The following LRR1 variants were observed in gnomAD, a reference collection of about 807,000 sequenced individuals.
LRR1 encodes leucine rich repeat protein 1.
In LRR1, 29 loss-of-function variants were observed where a neutral mutation model predicts 31.6. The ratio of observed to expected loss-of-function variants is 0.92; its 90% CI spans 0.68 to 1.25. The LOEUF (loss-of-function observed/expected upper bound fraction) is 1.25. Ranked by LOEUF, LRR1 falls within the 50% of genes most tolerant of loss-of-function variation. The pLI is 0.00. For synonymous variants in LRR1, 179 were observed against 181.4 expected, an observed-to-expected ratio of 0.99 and a Z score of 0.10; for missense variants, 485 against 487.2, an observed-to-expected ratio of 1.00 and a Z score of 0.04.
chr14:49,602,402 A>C lies in LRR1; in HGVS notation c.216A>C (p.Lys72Asn). The change falls in exon 2 of 4, where the codon AAA (lysine) becomes AAC (asparagine). Residue 72 changes from lysine (K) to asparagine (N), a missense_variant. Coordinates refer to ENST00000298288, the MANE Select transcript of LRR1 (RefSeq NM_152329.4). The part of the protein sequence containing the change: ...LRENIEQFFT[K>N]FVDEGKATVR... ...AGAACATTGAGCAATTCTTCACCAA[A>C]TTTGTAGATGAGGGGAAAGCCACTG... is the stretch of plus-strand genomic sequence containing the variant. The C allele has an allele frequency of 6.2e-7, 1 of 1,613,882 alleles. No homozygotes were observed. Among genetic ancestry groups the C allele is most frequent in the East Asian group, 2.2e-5 (1 of 44,856 alleles).
At chr14:49,603,072 T>G (rs533902441) in intron 2 of LRR1, among the ~76,000 whole-genome samples, 1 of 151,860 alleles carries the variant, frequency 6.6e-6, no homozygotes, top group Non-Finnish European at 1.5e-5. Flanking sequence ...CTTGAACTCC[T>G]GAACTCAGGC....
intron 2 of LRR1, among the ~76,000 whole-genome samples, chr14:49,606,192 A>C (rs1288451523): frequency 2.0e-5 from 3 of 150,924 alleles, no homozygotes; most frequent in African/African-American, 7.3e-5. Flanking sequence ...ATGCCCCACT[A>C]ATTTTTATAT....
At chr14:49,612,436 T>C in intron 3 of LRR1, 1 of 1,187,406 alleles carries the variant, frequency 8.4e-7, no homozygotes, top group South Asian at 1.6e-5. Flanking sequence ...AGATAGAAAA[T>C]ACAGTTTTTA....
At chr14:49,601,033 T>C (rs1447474307) in intron 1 of LRR1, 18 of 1,611,046 alleles carry the variant, frequency 1.1e-5, no homozygotes, top group Non-Finnish European at 1.5e-5. Context: ...TGTAAGTTGC[T>C]TTCTATTCCA....
rs570982444 is a variant in LRR1 at position 49,608,971 on chromosome 14, C to T, written c.1004+850C>T. Among the ~76,000 whole-genome samples, 16 of 123,630 alleles carry T rather than the reference C, an allele frequency of 1.3e-4. No individual in the cohort carries two copies. In the East Asian group the frequency reaches 3.6e-3, roughly 28 times the overall value. 81.1% of individuals were successfully genotyped at this position (123,630 alleles called of 152,430 possible). On this transcript the variant is annotated intron_variant, in intron 3 of 3. Coordinates refer to ENST00000298288, the MANE Select transcript of LRR1 (RefSeq NM_152329.4). ...TCGCCCAGGCTGGAGTGCAGTGGTG[C>T]GAAGCGATCTCGGCTCACTGCAAGC...
In LRR1 at chr14:49,614,662, T is replaced by C; in HGVS notation, c.*166T>C. On this transcript the variant is annotated 3_prime_UTR_variant, in exon 4 of 4. Coordinates refer to ENST00000298288, the MANE Select transcript of LRR1 (RefSeq NM_152329.4). Reference sequence around the variant, plus strand: ...ACTCCAAAACTTTTATTAAAACCAATTTTAGTTTTACTGTGGTGTTAACTT... The same window carrying C: ...ACTCCAAAACTTTTATTAAAACCAACTTTAGTTTTACTGTGGTGTTAACTT... 1.1e-6 allele frequency: 1 copy of C among 928,836 alleles called. No homozygotes were observed. The highest frequency in any genetic ancestry group is 1.6e-6 in the Non-Finnish European group (1 of 608,732). 57.5% of individuals were successfully genotyped at this position (928,836 alleles called of 1,614,324 possible).
At chr14:49,605,182 A>T (rs974275511) in intron 2 of LRR1, among the ~76,000 whole-genome samples, 1 of 152,214 alleles carries the variant, frequency 6.6e-6, no homozygotes, top group African/African-American at 2.4e-5. Context: ...GGCATGGTCC[A>T]CCACATCTGG....
At chr14:49,612,925 C>T (rs1157187421) in intron 3 of LRR1, among the ~76,000 whole-genome samples, 1 of 152,098 alleles carries the variant, frequency 6.6e-6, no homozygotes, top group Non-Finnish European at 1.5e-5. Flanking sequence ...CAAGGCCCAG[C>T]GCAGTGGCTC....
chr14:49,605,873 C>A (rs1352492375), intron 2 of LRR1, among the ~76,000 whole-genome samples: 1 of 152,120 alleles, frequency 6.6e-6, no homozygotes, highest in Non-Finnish European at 1.5e-5. Flanking sequence ...ACAGTGCTAC[C>A]AAAATAGTAT....
chr14:49,599,279 T>C (rs1324018388), intron 1 of LRR1, 76 bp downstream of exon 1: 2 of 1,434,584 alleles, frequency 1.4e-6, no homozygotes, highest in Non-Finnish European at 9.2e-7. Context: ...TCGGTCCTCA[T>C]GCTCCCGGCT....
At chr14:49,614,226 A>G (rs1351443882) in intron 3 of LRR1, 30 bp from the exon 4 acceptor site, 4 of 1,589,812 alleles carry the variant, frequency 2.5e-6, no homozygotes, top group East Asian at 2.2e-5. Flanking sequence ...GTAACATGTT[A>G]TAAAATATTT....
At position 49,608,140 on chromosome 14, in the gene LRR1, T is replaced by C; in HGVS notation, c.1004+19T>C. The C allele has an allele frequency of 2.6e-6, 4 of 1,522,550 alleles. 1 individual carries two copies. The highest frequency in any genetic ancestry group is 2.6e-5 in the South Asian group (2 of 75,638). 94.3% of individuals were successfully genotyped at this position (1,522,550 alleles called of 1,614,324 possible). A position where few individuals can be genotyped will look rare whatever the true frequency, so the allele number is the denominator to read the frequency against. On this transcript the variant is annotated intron_variant, in intron 3 of 3. Coordinates refer to ENST00000298288, the MANE Select transcript of LRR1 (RefSeq NM_152329.4). ...ATAATAGGTAAGATTTTAATAGTCATGTAATGTGGTGTCTTTGATAGCATT... is the reference window on the plus strand; with the variant it reads ...ATAATAGGTAAGATTTTAATAGTCACGTAATGTGGTGTCTTTGATAGCATT...
At chr14:49,604,049 T>C (rs866837929) in intron 2 of LRR1, among the ~76,000 whole-genome samples, 26 of 143,898 alleles carry the variant, frequency 1.8e-4, no homozygotes, top group African/African-American at 4.8e-4. Flanking sequence ...ACACCTGTAA[T>C]CCCAGCACTT....
rs1472659323 is a variant in LRR1 at position 49,607,886 on chromosome 14, G to T, written c.769G>T (p.Asp257Tyr). ...QLQELKNLKL[D>Y]DNELIQFPCK... ...CCAGGAACTTAAGAATTTAAAACTT[G>T]ACGATAATGAATTGATTCAATTTCC... Residue 257 changes from aspartate (D) to tyrosine (Y), a missense_variant, in exon 3 of 4, where the codon GAC (aspartate) becomes TAC (tyrosine). By Grantham distance (160) the Asp-to-Tyr change is radical. This residue lies in a region of LRR1 where 210 missense variants were observed against 200.4 expected (regional missense o/e 1.05). Coordinates refer to ENST00000298288, the MANE Select transcript of LRR1 (RefSeq NM_152329.4). 2 of 1,613,064 alleles carry T rather than the reference G, an allele frequency of 1.2e-6. No individual in the cohort carries two copies. The highest frequency in any genetic ancestry group is 1.7e-6 in the Non-Finnish European group (2 of 1,179,340).
chr14:49,605,333 T>G (rs1882240142), intron 2 of LRR1, among the ~76,000 whole-genome samples: 2 of 152,228 alleles, frequency 1.3e-5, no homozygotes, highest in African/African-American at 4.8e-5. Flanking sequence ...GACTTGCAGC[T>G]TATTCTTTCA....
At chr14:49,599,961 G>C (rs1233782908) in intron 1 of LRR1, 2 of 1,545,970 alleles carry the variant, frequency 1.3e-6, no homozygotes, top group South Asian at 2.4e-5. Context: ...GCTCCGGGGG[G>C]ACCATGCCCG....
At chr14:49,609,412 T>C (rs1401093645) in intron 3 of LRR1, among the ~76,000 whole-genome samples, 1 of 151,470 alleles carries the variant, frequency 6.6e-6, no homozygotes, top group Non-Finnish European at 1.5e-5. Flanking sequence ...TTTCATTTTA[T>C]TTATTTGTTT....
At chr14:49,602,156 T>C (rs1337005974) in intron 1 of LRR1, among the ~76,000 whole-genome samples, 1 of 146,198 alleles carries the variant, frequency 6.8e-6, no homozygotes, top group Non-Finnish European at 1.5e-5. Context: ...TTTTTTTTTT[T>C]TTTTTTTTTT....
At chr14:49,613,220 T>C (rs1042632154) in intron 3 of LRR1, among the ~76,000 whole-genome samples, 7 of 151,568 alleles carry the variant, frequency 4.6e-5, no homozygotes, top group Admixed American at 2.0e-4. Context: ...GCACCTATAG[T>C]CCCAGCTACT....
Sources: gnomAD v4.1 joint callset for allele counts (sites outside exome capture counted in the v4.1 genomes callset) on GRCh38, gnomAD v4.1.1 for gene constraint, gnomAD v4.1.1 regional missense constraint, MANE v1.5 for transcripts, NCBI Gene and HGNC (gene_info 2026-07-23, HGNC 2026-07-21) for gene names.